Variants in OPA1 observed in about 807,000 individuals in gnomAD.
The protein encoded by OPA1 is dynamin-like GTPase OPA1, mitochondrial.
In OPA1, 59 loss-of-function variants were observed where a neutral mutation model predicts 152.9. That is an observed-to-expected ratio of 0.39 (90% CI 0.31 to 0.48). The LOEUF is 0.48. OPA1 is among the 20% of genes least tolerant of loss of function. OPA1 has a pLI of 0.96. For synonymous variants in OPA1, 400 were observed against 389.9 expected (o/e 1.03, Z -0.31); for missense variants, 1,008 against 1,216.8 (o/e 0.83, Z 2.55).
At position 193,662,663 on chromosome 3, in the gene OPA1, CG is replaced by C. The variant is rs3214982; in HGVS notation, c.2521-155del. On this transcript the variant is annotated intron_variant, in intron 25 of 30. Transcript: ENST00000361510. ...TAGGCCATTTACCATATTCATAAGC[CG>C]GGGTGCTGTGTTCTTTCTTGTGTTT... Among the ~76,000 whole-genome samples the C allele has an allele frequency of 0.42, 64,246 of 151,830 alleles. 13,890 individuals are homozygous for C. Among genetic ancestry groups the C allele is most frequent in the Non-Finnish European group, 0.43 (29,468 of 67,880 alleles).
intron 6 of OPA1, among the ~76,000 whole-genome samples, chr3:193,625,305 A>G (rs1730904639): frequency 6.6e-6 from 1 of 152,086 alleles, no homozygotes; most frequent in Admixed American, 6.5e-5. Context: ...TTTTGTTTTC[A>G]TTTCAGAATT....
intron 11 of OPA1, among the ~76,000 whole-genome samples, chr3:193,642,515 C>T (rs140819273): frequency 3.4e-4 from 52 of 152,202 alleles, no homozygotes; most frequent in East Asian, 2.3e-3. Flanking sequence ...AGGTCATAAG[C>T]GATATAAAGG....
At chr3:193,632,457 G>A (rs1732237717) in intron 8 of OPA1, among the ~76,000 whole-genome samples, 2 of 152,060 alleles carry the variant, frequency 1.3e-5, no homozygotes, top group Non-Finnish European at 2.9e-5. Context: ...CTCCAGCCTG[G>A]GCGACAGAGC....
chr3:193,682,833 G>T lies in OPA1; in HGVS notation c.2984-9230G>T, dbSNP rs921067554. Among the ~76,000 whole-genome samples, 3 of 152,170 alleles carry T rather than the reference G, an allele frequency of 2.0e-5. No homozygotes were observed. In the East Asian group the frequency reaches 5.8e-4, roughly 29 times the overall value. On this transcript the variant is annotated intron_variant, in intron 29 of 30. Coordinates refer to ENST00000361510, the MANE Select transcript of OPA1 (RefSeq NM_130837.3). ...AAGAGTTCTGAGGGAGATGTACAAGGAGATTTATGTTGTTTTTGTGCCTGC... is the reference window on the plus strand; with the variant it reads ...AAGAGTTCTGAGGGAGATGTACAAGTAGATTTATGTTGTTTTTGTGCCTGC...
At chr3:193,623,367 T>A (rs1210628618) in intron 6 of OPA1, among the ~76,000 whole-genome samples, 1 of 152,204 alleles carries the variant, frequency 6.6e-6, no homozygotes, top group Admixed American at 6.5e-5. Flanking sequence ...ACCAAACTCA[T>A]TAACTTTTAG....
At chr3:193,675,141 C>A (rs1718693200) in intron 29 of OPA1, among the ~76,000 whole-genome samples, 4 of 151,870 alleles carry the variant, frequency 2.6e-5, no homozygotes, top group Admixed American at 2.6e-4. Context: ...CTGGTGTGTT[C>A]TTTTTGTTTC....
intron 16 of OPA1, 69 bp from the exon 17 acceptor site, chr3:193,645,484 T>C: frequency 8.5e-7 from 1 of 1,180,182 alleles, no homozygotes; most frequent in Non-Finnish European, 1.2e-6. Flanking sequence ...GCTTTCTAAA[T>C]TGTATATTAC....
At chr3:193,686,056 T>G (rs1720898291) in intron 29 of OPA1, among the ~76,000 whole-genome samples, 1 of 152,230 alleles carries the variant, frequency 6.6e-6, no homozygotes, top group Non-Finnish European at 1.5e-5. Context: ...AAAAAAAATT[T>G]TCATCAAATG....
intron 21 of OPA1, among the ~76,000 whole-genome samples, chr3:193,653,387 G>A (rs964065054): frequency 9.9e-5 from 15 of 152,056 alleles, no homozygotes; most frequent in African/African-American, 3.6e-4. Flanking sequence ...CTGGGCTTTT[G>A]GACAGCAGGA....
Position 193,634,381 on chromosome 3 carries a change from A to G in OPA1, c.844-1037A>G, listed in dbSNP as rs527885083. Among the ~76,000 whole-genome samples the G allele has an allele frequency of 2.6e-5, 4 of 151,740 alleles. No individual in the cohort carries two copies. In the South Asian group the frequency reaches 8.3e-4, roughly 32 times the overall value. ...GTTTTGTTTTGTTTTTTTGTCAAGT[A>G]GTTGCTTGGCTACACATTTTCCTTC... On this transcript the variant is annotated intron_variant, in intron 8 of 30. Transcript: ENST00000361510.
intron 1 of OPA1, among the ~76,000 whole-genome samples, chr3:193,612,551 G>C (rs957701828): frequency 6.6e-5 from 10 of 152,078 alleles, no homozygotes; most frequent in African/African-American, 2.4e-4. Flanking sequence ...ATTTGTGGGG[G>C]CTTTGATCCC....
chr3:193,602,344 T>G (rs1726593526), intron 1 of OPA1, among the ~76,000 whole-genome samples: 1 of 152,236 alleles, frequency 6.6e-6, no homozygotes, highest in African/African-American at 2.4e-5. Context: ...AGTGATCTTC[T>G]TCTGATGTCA....
rs186039068 is a variant in OPA1 at position 193,643,212 on chromosome 3, A to G, written c.1306-161A>G. ...TATATCATTTTGTGGGTAATTTTCC[A>G]GAATAATTACTTTTAGGATCAGAGA... On this transcript the variant is annotated intron_variant, in intron 13 of 30. Transcript: ENST00000361510. Among the ~76,000 whole-genome samples the G allele has an allele frequency of 4.0e-4, 61 of 152,312 alleles. No homozygotes were observed. The East Asian group carries it at 0.011, about 28-fold the overall frequency.
rs747354358 is a variant in OPA1 at position 193,617,269 on chromosome 3, G to T, written c.540G>T (p.Lys180Asn). 2 of 1,608,642 alleles carry T rather than the reference G, an allele frequency of 1.2e-6. No individual in the cohort carries two copies. Among genetic ancestry groups the T allele is most frequent in the South Asian group, 2.2e-5 (2 of 90,794 alleles). The change falls in exon 4 of 31, where the codon AAG (lysine) becomes AAT (asparagine). Residue 180 changes from lysine (K) to asparagine (N), a missense_variant. By Grantham distance (94) the Lys-to-Asn change is moderately conservative (BLOSUM62 0). Around this residue, in one of 7 missense-constraint regions of OPA1, gnomAD observed 408 missense variants for 395.1 expected, o/e 1.03. Transcript: ENST00000361510. ...DKIVESLSLLKDFFTSGHKLV... is the reference protein window; with the variant it reads ...DKIVESLSLLNDFFTSGHKLV... ...TTGTTGAAAGCCTTAGCTTATTGAA[G>T]GACTTTTTTACCTCAGGTAAGGAAG...
chr3:193,668,320 TTC>T (rs1466307627), intron 29 of OPA1: 1 of 1,549,938 alleles, frequency 6.5e-7, no homozygotes. Flanking sequence ...TGCAGAAATG[TTC>T]TTTTTCCCCA....
In OPA1 at chr3:193,659,064, C is replaced by T. The variant is rs1438851210; in HGVS notation, c.2440+69C>T. 8.0e-6 allele frequency: 8 copies of T among 1,000,474 alleles called. No homozygotes were observed. In the East Asian group the frequency reaches 1.9e-4, roughly 24 times the overall value. The allele number at this position is 1,000,474 out of a possible 1,614,324, so 62.0% of individuals were successfully genotyped here. On this transcript the variant is annotated intron_variant, in intron 24 of 30. Coordinates refer to ENST00000361510, the MANE Select transcript of OPA1 (RefSeq NM_130837.3). Reference sequence around the variant, plus strand: ...GAAGGAGTCATCCAACTTTAGTGAACATTTGTAGAAATAGATTGAACATTT... The same window carrying T: ...GAAGGAGTCATCCAACTTTAGTGAATATTTGTAGAAATAGATTGAACATTT...
intron 26 of OPA1, 133 bp from the exon 27 acceptor site, chr3:193,664,747 T>C: frequency 7.8e-6 from 5 of 637,384 alleles, no homozygotes; most frequent in Middle Eastern, 8.5e-4. Context: ...TTTGAATAAC[T>C]ATGTAAAGAA....
intron 29 of OPA1, among the ~76,000 whole-genome samples, chr3:193,674,015 T>C (rs930998307): frequency 3.0e-4 from 46 of 152,368 alleles, no homozygotes; most frequent in Non-Finnish European, 5.1e-4. Context: ...TTACTGGAGC[T>C]TGTGGGGATT....
rs1323409062 is a variant in OPA1, at chr3:193,615,123, A to C, written c.351+82A>C. On this transcript the variant is annotated intron_variant, in intron 2 of 30. Transcript: ENST00000361510. ...AGCATAAATCATTTTTGTGTAGTGG[A>C]ATACAATTGGATGTTTAAACATTTA... The C allele has an allele frequency of 4.7e-6, 5 of 1,070,604 alleles. No homozygotes were observed. In the African/African-American group the frequency reaches 7.8e-5, roughly 17 times the overall value. The allele number at this position is 1,070,604 out of a possible 1,614,324, so 66.3% of individuals were successfully genotyped here. A position where few individuals can be genotyped will look rare whatever the true frequency, so the allele number is the denominator to read the frequency against.
Sources: allele counts gnomAD v4.1 joint callset (sites outside exome capture counted in the v4.1 genomes callset), GRCh38; gene constraint gnomAD v4.1.1; regional missense constraint gnomAD v4.1.1; transcripts MANE v1.5; gene names NCBI Gene and HGNC (gene_info 2026-07-23, HGNC 2026-07-21).